The following PPP1R12B variants were observed in gnomAD, a reference collection of about 807,000 sequenced individuals.
PPP1R12B encodes myosin phosphatase target subunit 2.
In PPP1R12B, 76 loss-of-function variants were observed where a neutral mutation model predicts 126.1. The ratio of observed to expected loss-of-function variants is 0.60; its 90% confidence interval spans 0.50 to 0.73. PPP1R12B has a LOEUF of 0.73. PPP1R12B is among the 30% of genes least tolerant of loss of function. The pLI is 0.00. For missense variants in PPP1R12B, 1,052 were observed against 1,205.1 expected (o/e 0.87, Z 1.88); for synonymous variants, 356 against 434.7 (o/e 0.82, Z 2.25).
intron 20 of PPP1R12B, among the ~76,000 whole-genome samples, chr1:202,564,053 C>G (rs1204347448): frequency 6.6e-6 from 1 of 152,204 alleles, no homozygotes; most frequent in African/African-American, 2.4e-5. Context: ...GAGCAAGACC[C>G]TGTCTCCAAA....
At chr1:202,485,985 C>T (rs1195755869) in intron 13 of PPP1R12B, among the ~76,000 whole-genome samples, 1 of 152,124 alleles carries the variant, frequency 6.6e-6, no homozygotes, top group Admixed American at 6.5e-5. Flanking sequence ...AGGCTCAAGC[C>T]GTCCTCCCAT....
chr1:202,479,255 T>C (rs1370300027), intron 13 of PPP1R12B, among the ~76,000 whole-genome samples: 4 of 152,254 alleles, frequency 2.6e-5, no homozygotes, highest in African/African-American at 4.8e-5. Flanking sequence ...CATTGCCTGG[T>C]TGGGGACTTC....
chr1:202,358,837 C>A (rs1333324518), intron 1 of PPP1R12B, among the ~76,000 whole-genome samples: 2 of 152,082 alleles, frequency 1.3e-5, no homozygotes, highest in Non-Finnish European at 2.9e-5. Flanking sequence ...AATGTTATGA[C>A]ACAGTGATAA....
chr1:202,353,864 C>T (rs113712406), intron 1 of PPP1R12B, among the ~76,000 whole-genome samples: 9 of 152,018 alleles, frequency 5.9e-5, no homozygotes, highest in Non-Finnish European at 2.9e-5. Flanking sequence ...CCTCCCCCCT[C>T]GGCCTCCCAA....
chr1:202,477,101 G>A (rs1219926478), intron 13 of PPP1R12B, among the ~76,000 whole-genome samples: 3 of 152,216 alleles, frequency 2.0e-5, no homozygotes, highest in African/African-American at 4.8e-5. Flanking sequence ...GAATATTGTA[G>A]CACACCTATC....
chr1:202,462,407 A>C (rs1674428879), intron 13 of PPP1R12B, among the ~76,000 whole-genome samples: 1 of 152,078 alleles, frequency 6.6e-6, no homozygotes, highest in Non-Finnish European at 1.5e-5. Context: ...TCAGCCCACC[A>C]CTTAACAGTT....
At chr1:202,494,154 G>T (rs1414517754) in intron 15 of PPP1R12B, among the ~76,000 whole-genome samples, 10 of 152,156 alleles carry the variant, frequency 6.6e-5, no homozygotes, top group African/African-American at 2.4e-4. Flanking sequence ...TTCTTGCTTT[G>T]ACTCTGAATG....
intron 13 of PPP1R12B, among the ~76,000 whole-genome samples, chr1:202,457,213 C>T (rs1189451782): frequency 6.6e-6 from 1 of 152,172 alleles, no homozygotes; most frequent in Non-Finnish European, 1.5e-5. Context: ...TGAGAGACTG[C>T]CATGTGCCAG....
chr1:202,455,727 A>G (rs1004719544), intron 13 of PPP1R12B, among the ~76,000 whole-genome samples: 2 of 152,234 alleles, frequency 1.3e-5, no homozygotes, highest in African/African-American at 4.8e-5. Context: ...TCTTGATTAT[A>G]TACCTAGGAG....
chr1:202,566,677 C>A (rs1426007171), intron 21 of PPP1R12B, among the ~76,000 whole-genome samples: 1 of 152,108 alleles, frequency 6.6e-6, no homozygotes, highest in Non-Finnish European at 1.5e-5. Context: ...GCGTTTTTTT[C>A]TCTTCCTTCT....
intron 18 of PPP1R12B, among the ~76,000 whole-genome samples, chr1:202,529,845 CTGTACCTTTCTCCTT>C (rs1417249451): frequency 2.0e-5 from 3 of 152,156 alleles, no homozygotes; most frequent in Non-Finnish European, 2.9e-5. Context: ...CCTTTCTCCT[CTGTACCTTTCTCCTT>C]AAGTTTTCAA....
chr1:202,553,104 C>A (rs774529328), intron 18 of PPP1R12B, among the ~76,000 whole-genome samples: 1 of 152,156 alleles, frequency 6.6e-6, no homozygotes, highest in African/African-American at 2.4e-5. Context: ...GAGATTATTA[C>A]GGGAGAATTT....
In PPP1R12B at chr1:202,582,259, T is replaced by C. The variant is rs375795740; in HGVS notation, c.*1699T>C. 116 of 152,578 alleles carry C rather than the reference T, an allele frequency of 7.6e-4. No individual in the cohort carries two copies. Among genetic ancestry groups the C allele is most frequent in the African/African-American group, 2.6e-3 (109 of 41,566 alleles). The allele number at this position is 152,578 out of a possible 1,614,324, so 9.5% of individuals were successfully genotyped here. The stretch of plus-strand genomic sequence containing the variant: ...ACCTGTCACATCTTGGCCATCCTCC[T>C]CTAGACAAAACCAGCCTTTAAAATA... On this transcript the variant is annotated 3_prime_UTR_variant, in exon 24 of 24. Coordinates refer to ENST00000608999, the MANE Select transcript of PPP1R12B (RefSeq NM_002481.4).
chr1:202,452,472 G>A (rs1421444363), intron 13 of PPP1R12B, among the ~76,000 whole-genome samples: 2 of 152,196 alleles, frequency 1.3e-5, no homozygotes, highest in African/African-American at 4.8e-5. Flanking sequence ...ATCAGGCAGG[G>A]AGGTTGCAGT....
intron 9 of PPP1R12B, among the ~76,000 whole-genome samples, chr1:202,437,485 T>C (rs532964968): frequency 5.3e-5 from 8 of 152,330 alleles, no homozygotes; most frequent in African/African-American, 1.9e-4. Context: ...CACGGTGAGT[T>C]AGAAGAAGGT....
At chr1:202,428,542 A>G (rs1000452938) in intron 5 of PPP1R12B, 6 of 264,280 alleles carry the variant, frequency 2.3e-5, no homozygotes, top group Non-Finnish European at 4.3e-5. Flanking sequence ...TATCATAGCA[A>G]TTAAGACCAT....
intron 17 of PPP1R12B, among the ~76,000 whole-genome samples, chr1:202,495,955 A>G: frequency 6.6e-6 from 1 of 152,250 alleles, no homozygotes; most frequent in East Asian, 1.9e-4. Flanking sequence ...TACAACAGCC[A>G]TATAAACAAA....
chr1:202,392,386 A>G (rs891788272), intron 1 of PPP1R12B, among the ~76,000 whole-genome samples: 3 of 152,154 alleles, frequency 2.0e-5, no homozygotes, highest in African/African-American at 7.2e-5. Flanking sequence ...TCTACGTATT[A>G]TATGATTCTA....
At chr1:202,559,482 CA>C (rs1429180552) in intron 19 of PPP1R12B, among the ~76,000 whole-genome samples, 1 of 152,138 alleles carries the variant, frequency 6.6e-6, no homozygotes, top group East Asian at 1.9e-4. Flanking sequence ...AGAAGGATAT[CA>C]AAATTGGGGG....
Sources: gnomAD v4.1 joint callset for allele counts (sites outside exome capture counted in the v4.1 genomes callset) on GRCh38, gnomAD v4.1.1 for gene constraint, MANE v1.5 for transcripts, NCBI Gene and HGNC (gene_info 2026-07-23, HGNC 2026-07-21) for gene names.